PPP2R2C: variants seen among roughly 807,000 people sequenced by gnomAD.
PPP2R2C encodes protein phosphatase 2 regulatory subunit Bgamma.
Under a neutral mutation model 45.3 loss-of-function variants are expected in PPP2R2C, and 10 were observed. The observed-to-expected ratio is 0.22, with a 90% confidence interval of 0.14 to 0.37. PPP2R2C has a LOEUF of 0.37. Among genes scored for constraint, PPP2R2C ranks in the 10% least tolerant of loss-of-function variants. PPP2R2C has a pLI of 1.00. For missense variants in PPP2R2C, 308 were observed against 619.7 expected (o/e 0.50, Z 5.34); for synonymous variants, 257 against 245.4 (o/e 1.05, Z -0.44).
intron 2 of PPP2R2C, among the ~76,000 whole-genome samples, chr4:6,493,632 C>T (rs1368215660): frequency 1.3e-5 from 2 of 151,682 alleles, no homozygotes; most frequent in African/African-American, 2.4e-5. Flanking sequence ...ATGCCAGTGC[C>T]TTCCTGAAGG....
At chr4:6,474,388 T>C (rs915842264), upstream of PPP2R2C, among the ~76,000 whole-genome samples, 1 of 152,050 alleles carries the variant, frequency 6.6e-6, no homozygotes, top group Non-Finnish European at 1.5e-5. Flanking sequence ...TGGGTTGGGG[T>C]GGCCAGTCCT....
chr4:6,414,110 G>T (rs1360506952), intron 1 of PPP2R2C: 1 of 1,304,026 alleles, frequency 7.7e-7, no homozygotes, highest in East Asian at 2.6e-5. Context: ...GTGTGTGTGT[G>T]TGTGTGTGTG....
intron 5 of PPP2R2C, chr4:6,350,347 A>AG: frequency 1.0e-6 from 1 of 985,450 alleles, no homozygotes. Flanking sequence ...TGGGATCCAG[A>AG]GAAAAAGTGC....
intron 1 of PPP2R2C, among the ~76,000 whole-genome samples, chr4:6,541,958 T>C (rs1033820358): frequency 6.6e-6 from 1 of 152,244 alleles, no homozygotes; most frequent in Non-Finnish European, 1.5e-5. Context: ...AACAAATATT[T>C]CTCGAAGACC....
At chr4:6,493,242 C>G (rs7675952) in intron 2 of PPP2R2C, among the ~76,000 whole-genome samples, 1 of 151,710 alleles carries the variant, frequency 6.6e-6, no homozygotes. Flanking sequence ...CGCACGCGCG[C>G]GCACATACAC....
chr4:6,355,460 T>A (rs913510815), intron 5 of PPP2R2C, among the ~76,000 whole-genome samples: 1 of 150,438 alleles, frequency 6.6e-6, no homozygotes, highest in African/African-American at 2.5e-5. Context: ...ATGGCACATG[T>A]ATACATATGT....
At chr4:6,423,130 A>G (rs973822963) in intron 1 of PPP2R2C, among the ~76,000 whole-genome samples, 2 of 152,148 alleles carry the variant, frequency 1.3e-5, no homozygotes, top group African/African-American at 4.8e-5. Context: ...CCTTCAACAA[A>G]TATTCATGCA....
chr4:6,418,408 C>T (rs535796558), intron 1 of PPP2R2C, among the ~76,000 whole-genome samples: 3 of 152,346 alleles, frequency 2.0e-5, no homozygotes, highest in South Asian at 2.1e-4. Context: ...GCTGCTGCCA[C>T]GCAGCAAAGC....
intron 2 of PPP2R2C, among the ~76,000 whole-genome samples, chr4:6,526,900 C>T (rs1315035057): frequency 6.6e-6 from 1 of 152,192 alleles, no homozygotes; most frequent in African/African-American, 2.4e-5. Context: ...ACAGCCATCA[C>T]GGTAGGCTTT....
chr4:6,377,688 G>A (rs1171599159), intron 3 of PPP2R2C, among the ~76,000 whole-genome samples: 1 of 152,106 alleles, frequency 6.6e-6, no homozygotes, highest in Non-Finnish European at 1.5e-5. Context: ...GAATCCAGGT[G>A]TGTCCTACCC....
At chr4:6,523,902 G>GTTTTGT (rs996973403) in intron 2 of PPP2R2C, among the ~76,000 whole-genome samples, 75 of 152,174 alleles carry the variant, frequency 4.9e-4, no homozygotes, top group African/African-American at 1.5e-3. Flanking sequence ...AAGGAATGAA[G>GTTTTGT]TTTTGTTTTT....
intron 1 of PPP2R2C, among the ~76,000 whole-genome samples, chr4:6,409,254 T>C (rs1413141893): frequency 6.6e-6 from 1 of 152,218 alleles, no homozygotes; most frequent in African/African-American, 2.4e-5. Context: ...AATAAATATA[T>C]CTTATGCTTA....
chr4:6,496,894 T>TAAAC (rs1185810510), intron 2 of PPP2R2C, among the ~76,000 whole-genome samples: 4 of 151,220 alleles, frequency 2.6e-5, no homozygotes, highest in African/African-American at 9.7e-5. Flanking sequence ...AATAAATAAA[T>TAAAC]AAATAAAGTC....
intron 1 of PPP2R2C, among the ~76,000 whole-genome samples, chr4:6,456,844 T>A (rs987974130): frequency 2.0e-5 from 3 of 152,318 alleles, no homozygotes; most frequent in African/African-American, 7.2e-5. Flanking sequence ...GGAGGGCCCA[T>A]GCGGTGACCA....
intron 1 of PPP2R2C, among the ~76,000 whole-genome samples, chr4:6,469,808 G>A (rs890695360): frequency 1.3e-5 from 2 of 152,192 alleles, no homozygotes; most frequent in African/African-American, 2.4e-5. Context: ...GTGAAAGTGT[G>A]TTTTTCATTA....
chr4:6,458,865 G>A (rs1721177263), intron 1 of PPP2R2C, among the ~76,000 whole-genome samples: 1 of 152,168 alleles, frequency 6.6e-6, no homozygotes, highest in Non-Finnish European at 1.5e-5. Flanking sequence ...GCTGGGGCTG[G>A]TTTCCCATGT....
intron 2 of PPP2R2C, among the ~76,000 whole-genome samples, chr4:6,508,082 A>G (rs10755150): frequency 0.46 from 70,247 of 152,080 alleles, 17,231 homozygotes; most frequent in East Asian, 0.78. Context: ...GCTACATAGT[A>G]AGACCCCAGT....
intron 1 of PPP2R2C, among the ~76,000 whole-genome samples, chr4:6,390,049 T>C (rs1006886111): frequency 6.6e-6 from 1 of 152,112 alleles, no homozygotes; most frequent in Non-Finnish European, 1.5e-5. Flanking sequence ...TTCCTGCAGG[T>C]GGGAGACCCT....
intron 2 of PPP2R2C, among the ~76,000 whole-genome samples, chr4:6,503,274 G>C (rs1003838541): frequency 6.6e-6 from 1 of 152,168 alleles, no homozygotes; most frequent in African/African-American, 2.4e-5. Context: ...TGCAGCCACT[G>C]TTCCCTCTGC....
Sources: allele counts gnomAD v4.1 joint callset (sites outside exome capture counted in the v4.1 genomes callset), GRCh38; gene constraint gnomAD v4.1.1; transcripts MANE v1.5; gene names NCBI Gene and HGNC (gene_info 2026-07-23, HGNC 2026-07-21).